KCNH1: variants seen among roughly 807,000 people sequenced by gnomAD.
KCNH1 encodes the protein voltage-gated delayed rectifier potassium channel KCNH1.
KCNH1 carries 27 observed loss-of-function variants against 69.2 expected under a neutral mutation model. The observed-to-expected ratio is 0.39, with a 90% CI of 0.29 to 0.54. The LOEUF (loss-of-function observed/expected upper bound fraction) is 0.54, where lower values mean the gene tolerates loss of function less well. Among genes scored for constraint, KCNH1 ranks in the 20% least tolerant of loss-of-function variants. The pLI, the probability that KCNH1 is intolerant of heterozygous loss-of-function variation, is 0.68. For synonymous variants in KCNH1, 456 were observed against 487.7 expected (o/e 0.93, Z 0.86); for missense variants, 798 against 1,261.6 (o/e 0.63, Z 5.57).
chr1:210,729,167 A>G (rs1223263050), intron 10 of KCNH1, among the ~76,000 whole-genome samples: 2 of 152,212 alleles, frequency 1.3e-5, no homozygotes, highest in African/African-American at 4.8e-5. Context: ...TCAGCATGCA[A>G]GGGGAAAAAG....
At chr1:211,078,585 A>C (rs918739689) in intron 5 of KCNH1, among the ~76,000 whole-genome samples, 2 of 152,256 alleles carry the variant, frequency 1.3e-5, no homozygotes, top group African/African-American at 4.8e-5. Flanking sequence ...ACAAAGACAC[A>C]ACGTACCAGA....
chr1:211,083,091 C>T (rs908878044), intron 4 of KCNH1, among the ~76,000 whole-genome samples, 193 bp from the exon 5 acceptor site: 7 of 152,206 alleles, frequency 4.6e-5, no homozygotes, highest in African/African-American at 1.7e-4. Flanking sequence ...TTGCTTTTCC[C>T]CTGCACTTTC....
intron 10 of KCNH1, among the ~76,000 whole-genome samples, chr1:210,770,357 G>A (rs374920593): frequency 7.9e-5 from 12 of 152,144 alleles, no homozygotes; most frequent in East Asian, 5.8e-4. Context: ...ATGTATCCCA[G>A]AACTTAAAAT....
chr1:210,775,471 G>A lies in KCNH1; in HGVS notation c.1989C>T (p.Ala663=), dbSNP rs776789670. 5.6e-6 allele frequency: 9 copies of A among 1,613,924 alleles called. No individual in the cohort carries two copies. In the East Asian group the frequency reaches 6.7e-5, roughly 12 times the overall value. The change falls in exon 10 of 11, where the codon GCC becomes GCT. Residue 663 remains alanine (A), a synonymous_variant. Transcript: ENST00000271751. ...TCACATGCAGATCACAGTAGGTCAAGGCCCTAACATTGGCACAGGACTGGG... is the reference window on the plus strand; with the variant it reads ...TCACATGCAGATCACAGTAGGTCAAAGCCCTAACATTGGCACAGGACTGGG... ...TLAQSCANVR[A]LTYCDLHVIK...
intron 6 of KCNH1, among the ~76,000 whole-genome samples, chr1:211,010,356 T>A (rs1041253144): frequency 2.0e-5 from 3 of 152,004 alleles, no homozygotes; most frequent in African/African-American, 7.3e-5. Context: ...AGGTACACCT[T>A]CAAAAACAAA....
At chr1:210,799,599 A>G (rs566302846) in intron 8 of KCNH1, among the ~76,000 whole-genome samples, 1 of 152,318 alleles carries the variant, frequency 6.6e-6, no homozygotes, top group Non-Finnish European at 1.5e-5. Context: ...GGACACCTTC[A>G]AGCAAACTTT....
chr1:211,050,910 T>C (rs1690193445), intron 5 of KCNH1, among the ~76,000 whole-genome samples: 1 of 152,238 alleles, frequency 6.6e-6, no homozygotes, highest in South Asian at 2.1e-4. Context: ...AATGAACATT[T>C]ATCAAGTACC....
intron 1 of KCNH1, among the ~76,000 whole-genome samples, chr1:211,118,002 G>A (rs9988608): frequency 0.015 from 2,247 of 152,244 alleles, 59 homozygotes; most frequent in African/African-American, 0.052. Flanking sequence ...CCCTCTAAAT[G>A]TAATACCCTA....
chr1:210,856,809 ATATT>A (rs1685850568), intron 7 of KCNH1, among the ~76,000 whole-genome samples: 1 of 124,674 alleles, frequency 8.0e-6, no homozygotes, highest in South Asian at 2.5e-4. Flanking sequence ...ATTTATATAT[ATATT>A]ATATATATTT....
intron 7 of KCNH1, among the ~76,000 whole-genome samples, chr1:210,876,164 A>T (rs1425743481): frequency 1.3e-5 from 2 of 152,250 alleles, no homozygotes; most frequent in Non-Finnish European, 2.9e-5. Flanking sequence ...TATATGAATA[A>T]TTAAGACAAT....
In KCNH1 at chr1:211,134,142, G is replaced by C. The variant is rs1691932432; in HGVS notation, c.-197C>G. On this transcript the variant is annotated 5_prime_UTR_variant, in exon 1 of 11. Transcript: ENST00000271751. The surrounding 1 kb of genome is among the most constrained non-coding windows in gnomAD (Gnocchi z 5.7). ...CGCCTCCCTCCCTGCGGCCCGCCTC[G>C]CAGTGCACTCGCGCCGGCCTCGGCT... 5 of 445,288 alleles carry C rather than the reference G, an allele frequency of 1.1e-5. No individual in the cohort carries two copies. The South Asian group carries it at 1.5e-4, about 13-fold the overall frequency. 27.6% of individuals were successfully genotyped at this position (445,288 alleles called of 1,614,324 possible). A position where few individuals can be genotyped will look rare whatever the true frequency, so the allele number is the denominator to read the frequency against.
chr1:211,079,506 C>T (rs1024942081), intron 5 of KCNH1, among the ~76,000 whole-genome samples: 12 of 152,074 alleles, frequency 7.9e-5, no homozygotes, highest in Non-Finnish European at 1.6e-4. Context: ...CTGGCAGAAA[C>T]ACAACAAAAA....
chr1:210,945,767 C>G (rs1687948272), intron 6 of KCNH1, among the ~76,000 whole-genome samples: 1 of 152,222 alleles, frequency 6.6e-6, no homozygotes, highest in Non-Finnish European at 1.5e-5. Flanking sequence ...TGTTTATCCT[C>G]TGCCAGAACA....
In KCNH1 at chr1:210,751,658, G is replaced by C. The variant is rs912716166; in HGVS notation, c.2112+23690C>G. Among the ~76,000 whole-genome samples, 6 of 152,106 alleles carry C rather than the reference G, an allele frequency of 3.9e-5. No homozygotes were observed. The South Asian group carries it at 8.3e-4, about 21-fold the overall frequency. On this transcript the variant is annotated intron_variant, in intron 10 of 10. Coordinates refer to ENST00000271751, the MANE Select transcript of KCNH1 (RefSeq NM_172362.3). ...CCTGCTGCTGAGAGGTAGGAGAAGA[G>C]GGGGGCTGAAAATGTGAGGGTGGAA...
rs529732862 is a variant in KCNH1, at chr1:211,028,783, G to GA, written c.559-9528dup. ...CAAATGCATAATTTTAAAACTCCCA[G>GA]AAAAAATCCCCAGGCCCAGATGGTT... On this transcript the variant is annotated intron_variant, in intron 5 of 10. Coordinates refer to ENST00000271751, the MANE Select transcript of KCNH1 (RefSeq NM_172362.3). 2.2e-4 allele frequency among the ~76,000 whole-genome samples: 33 copies of GA among 152,000 alleles called. No individual in the cohort carries two copies. The South Asian group carries it at 6.4e-3, about 30-fold the overall frequency.
chr1:210,769,584 A>G (rs1003151206), intron 10 of KCNH1, among the ~76,000 whole-genome samples: 8 of 152,214 alleles, frequency 5.3e-5, no homozygotes, highest in Non-Finnish European at 1.2e-4. Context: ...ATTGGCTTTA[A>G]AAATAAAGCC....
chr1:211,006,728 G>C (rs1424946097), intron 6 of KCNH1, among the ~76,000 whole-genome samples: 1 of 151,884 alleles, frequency 6.6e-6, no homozygotes, highest in Non-Finnish European at 1.5e-5. Flanking sequence ...AAGACATACT[G>C]TTTCATTATT....
chr1:210,831,949 G>A (rs760762573), intron 7 of KCNH1, among the ~76,000 whole-genome samples: 2 of 151,304 alleles, frequency 1.3e-5, no homozygotes, highest in Admixed American at 6.6e-5. Context: ...GAAATGTGCT[G>A]GTACAACTGA....
At chr1:211,121,736 G>A (rs1356217865) in intron 1 of KCNH1, among the ~76,000 whole-genome samples, 2 of 152,204 alleles carry the variant, frequency 1.3e-5, no homozygotes, top group Admixed American at 6.5e-5. Context: ...TCATCAGAGT[G>A]AATAGATAGC....
Sources: allele counts gnomAD v4.1 joint callset (sites outside exome capture counted in the v4.1 genomes callset), GRCh38; gene constraint gnomAD v4.1.1; non-coding constraint Gnocchi (gnomAD v3.1); transcripts MANE v1.5; gene names NCBI Gene and HGNC (gene_info 2026-07-23, HGNC 2026-07-21).